Variants in IL15 observed in about 807,000 individuals in gnomAD.
The protein encoded by IL15 is interleukin 15.
IL15 carries 11 observed loss-of-function variants against 19.6 expected under a neutral mutation model. That is an observed-to-expected ratio of 0.56 (90% CI 0.35 to 0.93). IL15 has a LOEUF of 0.93. Among genes scored for constraint, IL15 ranks in the 40% least tolerant of loss-of-function variants. The probability of loss-of-function intolerance (pLI) is 0.01; values close to 1 mark genes in which losing one functional copy is unlikely to be tolerated. For synonymous variants in IL15, 58 were observed against 59.6 expected (o/e 0.97, Z 0.12); for missense variants, 197 against 186.5 (o/e 1.06, Z -0.33).
At chr4:141,640,137 C>A (rs993146633) in intron 1 of IL15, among the ~76,000 whole-genome samples, 3 of 152,006 alleles carry the variant, frequency 2.0e-5, no homozygotes, top group East Asian at 1.9e-4. Flanking sequence ...TGACAGAAAG[C>A]CTGAAGGACA....
intron 2 of IL15, chr4:141,719,142 G>A (rs1729987865): frequency 3.9e-6 from 1 of 253,592 alleles, no homozygotes; most frequent in Middle Eastern, 1.2e-3. Flanking sequence ...GACAGAACTG[G>A]CCTCAAATCC....
intron 2 of IL15, among the ~76,000 whole-genome samples, chr4:141,698,081 T>C (rs1303206260): frequency 6.6e-6 from 1 of 152,180 alleles, no homozygotes; most frequent in Non-Finnish European, 1.5e-5. Context: ...TTTTTCTGTG[T>C]CTATTGAGAT....
At chr4:141,658,115 C>G (rs1727668748) in intron 2 of IL15, among the ~76,000 whole-genome samples, 1 of 152,020 alleles carries the variant, frequency 6.6e-6, no homozygotes, top group African/African-American at 2.4e-5. Flanking sequence ...GGCAAACTTC[C>G]CCCTTGCTGT....
chr4:141,679,055 T>C (rs1728451494), intron 2 of IL15, among the ~76,000 whole-genome samples: 1 of 152,204 alleles, frequency 6.6e-6, no homozygotes. Flanking sequence ...TTCTTTTTCC[T>C]CATGACTCAC....
chr4:141,658,846 T>C (rs1242833533), intron 2 of IL15, among the ~76,000 whole-genome samples: 7 of 137,968 alleles, frequency 5.1e-5, no homozygotes, highest in African/African-American at 1.9e-4. Flanking sequence ...TTCCTAGAAA[T>C]TATTGTTTCT....
intron 1 of IL15, among the ~76,000 whole-genome samples, chr4:141,647,142 T>G (rs996291804): frequency 4.6e-5 from 7 of 152,066 alleles, no homozygotes; most frequent in African/African-American, 1.7e-4. Context: ...GAGTGCCTAA[T>G]ATGGGCTGGG....
At chr4:141,662,151 G>A (rs1173022657) in intron 2 of IL15, among the ~76,000 whole-genome samples, 1 of 152,170 alleles carries the variant, frequency 6.6e-6, no homozygotes, top group Non-Finnish European at 1.5e-5. Context: ...AATGTTCCAA[G>A]AGGACCTAAC....
intron 2 of IL15, chr4:141,718,813 G>A (rs1433647099): frequency 2.0e-5 from 3 of 152,060 alleles, no homozygotes; most frequent in African/African-American, 7.2e-5. Context: ...GTATATTTTG[G>A]TTATAAACTG....
intron 2 of IL15, among the ~76,000 whole-genome samples, chr4:141,672,053 A>G (rs2152167827): frequency 6.6e-6 from 1 of 152,326 alleles, no homozygotes; most frequent in East Asian, 1.9e-4. Context: ...TTCAATCATC[A>G]TTACTAGCAA....
At chr4:141,648,038 G>A (rs1033944842) in intron 1 of IL15, among the ~76,000 whole-genome samples, 1 of 151,968 alleles carries the variant, frequency 6.6e-6, no homozygotes, top group South Asian at 2.1e-4. Flanking sequence ...CTATAATAAT[G>A]TTATTCTTGT....
intron 1 of IL15, among the ~76,000 whole-genome samples, chr4:141,649,898 A>G (rs538371926): frequency 1.3e-5 from 2 of 152,272 alleles, no homozygotes; most frequent in South Asian, 2.1e-4. Context: ...AAGTATATCT[A>G]TGAAAAATCT....
At chr4:141,656,934 C>A (rs1287258297) in intron 2 of IL15, among the ~76,000 whole-genome samples, 1 of 152,088 alleles carries the variant, frequency 6.6e-6, no homozygotes, top group Admixed American at 6.5e-5. Flanking sequence ...CAAGTTCAGT[C>A]TCGATAACTA....
rs1178474085 is a variant in IL15, at chr4:141,720,575, A to T, written c.110+9A>T. The T allele has an allele frequency of 1.6e-6, 2 of 1,282,198 alleles. No individual in the cohort carries two copies. The highest frequency in any genetic ancestry group is 2.3e-6 in the Non-Finnish European group (2 of 877,704). The allele number at this position is 1,282,198 out of a possible 1,614,324, so 79.4% of individuals were successfully genotyped here. On this transcript the variant is annotated intron_variant, in intron 4 of 7. Transcript: ENST00000320650. ...CATGTCTTCATTTTGGGGTAATTTT[A>T]TCTTTAGGCATAAATAACATTATGT...
At chr4:141,700,767 A>G (rs1179469472) in intron 2 of IL15, among the ~76,000 whole-genome samples, 1 of 152,190 alleles carries the variant, frequency 6.6e-6, no homozygotes, top group East Asian at 1.9e-4. Context: ...ATTTATTCTT[A>G]GGTTTGACCA....
At chr4:141,659,512 G>A (rs1477715573) in intron 2 of IL15, among the ~76,000 whole-genome samples, 1 of 152,120 alleles carries the variant, frequency 6.6e-6, no homozygotes, top group Non-Finnish European at 1.5e-5. Flanking sequence ...GTGTCTTATT[G>A]ATACACACAG....
At chr4:141,655,740 G>A (rs1421727110) in intron 1 of IL15, among the ~76,000 whole-genome samples, 3 of 152,094 alleles carry the variant, frequency 2.0e-5, no homozygotes, top group African/African-American at 7.2e-5. Context: ...TCGTATTTGA[G>A]TGGAGACTTT....
At chr4:141,666,411 G>A (rs894868503) in intron 2 of IL15, among the ~76,000 whole-genome samples, 6 of 152,212 alleles carry the variant, frequency 3.9e-5, no homozygotes, top group Middle Eastern at 3.4e-3. Context: ...CCTGGAGGGC[G>A]GTGGCACAAT....
intron 2 of IL15, among the ~76,000 whole-genome samples, chr4:141,697,651 C>G (rs1012381222): frequency 3.3e-5 from 5 of 152,002 alleles, no homozygotes; most frequent in African/African-American, 1.2e-4. Context: ...AGCATGGGAC[C>G]TGTTTCCGTT....
intron 2 of IL15, among the ~76,000 whole-genome samples, chr4:141,689,501 G>A (rs1157969504): frequency 1.3e-5 from 2 of 152,120 alleles, no homozygotes; most frequent in African/African-American, 4.8e-5. Flanking sequence ...CAAACCCTGA[G>A]CTAGGCACAG....
Sources: allele counts gnomAD v4.1 joint callset (sites outside exome capture counted in the v4.1 genomes callset), GRCh38; gene constraint gnomAD v4.1.1; transcripts MANE v1.5; gene names NCBI Gene and HGNC (gene_info 2026-07-23, HGNC 2026-07-21).